SIN3B: variants seen among roughly 807,000 people sequenced by gnomAD.
The protein encoded by SIN3B is paired amphipathic helix protein Sin3b.
A neutral mutation model predicts 120.2 loss-of-function variants in SIN3B; 19 were observed. The observed-to-expected ratio is 0.16, with a 90% CI of 0.11 to 0.23. SIN3B has a LOEUF of 0.23. Among genes scored for constraint, SIN3B ranks in the 10% least tolerant of loss-of-function variants. The probability of loss-of-function intolerance (pLI) is 1.00; values close to 1 mark genes in which losing one functional copy is unlikely to be tolerated. For missense variants in SIN3B, 1,073 were observed against 1,573.0 expected, an observed-to-expected ratio of 0.68 and a Z score of 5.38; for synonymous variants, 654 against 653.2, an observed-to-expected ratio of 1.00 and a Z score of -0.02.
chr19:16,852,996 ACT>A (rs1338474250), intron 6 of SIN3B, 71 bp from the exon 7 acceptor site: 4 of 1,220,788 alleles, frequency 3.3e-6, no homozygotes, highest in South Asian at 1.3e-5. Context: ...CCTTCTTGAG[ACT>A]CTGTGACAGC....
At position 16,878,896 on chromosome 19, in the gene SIN3B, T is replaced by C; in HGVS notation, c.*169T>C. The C allele has an allele frequency of 1.5e-6, 1 of 654,916 alleles. No homozygotes were observed. The allele number at this position is 654,916 out of a possible 1,614,324, so 40.6% of individuals were successfully genotyped here. On this transcript the variant is annotated 3_prime_UTR_variant, in exon 19 of 19. Coordinates refer to ENST00000248054, the MANE Select transcript of SIN3B (RefSeq NM_001297595.2). ...GCCGCCCCCGTGGCTCCCGGTCTCC[T>C]GTGGGCCTGCTGTGTGCCAAACCTG...
chr19:16,867,154 C>T (rs1275605987), intron 12 of SIN3B, among the ~76,000 whole-genome samples: 5 of 152,170 alleles, frequency 3.3e-5, no homozygotes, highest in Non-Finnish European at 7.3e-5. Context: ...TCTTTCTTGC[C>T]GACTGTGCCA....
chr19:16,871,187 G>A (rs1292780581), intron 13 of SIN3B, 42 bp from the exon 14 acceptor site: 59 of 1,612,862 alleles, frequency 3.7e-5, no homozygotes, highest in East Asian at 8.9e-5. Flanking sequence ...GTGACTTTGC[G>A]CTCTCCAGGA....
At chr19:16,871,524 GAC>G in intron 14 of SIN3B, 126 bp downstream of exon 14, 1 of 842,194 alleles carries the variant, frequency 1.2e-6, no homozygotes. Context: ...TCTTAATTGA[GAC>G]AAAATTCGCA....
intron 3 of SIN3B, among the ~76,000 whole-genome samples, chr19:16,841,046 C>T (rs1269582188): frequency 3.3e-5 from 5 of 152,232 alleles, no homozygotes; most frequent in African/African-American, 1.2e-4. Context: ...GGGGATGGTG[C>T]AGCATAATTC....
At chr19:16,865,694 T>TCCCCC (rs1555743123) in intron 11 of SIN3B, 46 bp downstream of exon 11, 1 of 1,145,926 alleles carries the variant, frequency 8.7e-7, no homozygotes, top group Admixed American at 2.3e-5. Flanking sequence ...CCTTCCCCCT[T>TCCCCC]CCCTCCCCTC....
intron 9 of SIN3B, chr19:16,863,331 CAAT>C (rs760316502): frequency 8.5e-6 from 4 of 473,148 alleles, no homozygotes; most frequent in South Asian, 2.6e-5. Flanking sequence ...TGCAGTGTAA[CAAT>C]GATCTACACA....
chr19:16,849,450 A>G (rs1971517693), intron 5 of SIN3B, among the ~76,000 whole-genome samples: 1 of 152,246 alleles, frequency 6.6e-6, no homozygotes, highest in African/African-American at 2.4e-5. Context: ...CTTTATTTAC[A>G]AAATGAATGG....
intron 5 of SIN3B, 133 bp downstream of exon 5, chr19:16,847,246 G>T (rs1971490950): frequency 2.1e-6 from 2 of 961,184 alleles, no homozygotes. Context: ...AGCTACGCAG[G>T]TTGCAGATAC....
rs560250557 is a variant in SIN3B, at chr19:16,867,529, G to A, written c.1806+973G>A. The stretch of plus-strand genomic sequence containing the variant: ...ATAGCCAGCTGTCGGGAAGGTCCTT[G>A]GACACTCTGAGGAGGTGGCTTAGGA... On this transcript the variant is annotated intron_variant, in intron 12 of 18. Coordinates refer to ENST00000248054, the MANE Select transcript of SIN3B (RefSeq NM_001297595.2). Among the ~76,000 whole-genome samples the A allele has an allele frequency of 4.6e-5, 7 of 152,262 alleles. No homozygotes were observed. In the South Asian group the frequency reaches 1.4e-3, roughly 32 times the overall value.
intron 4 of SIN3B, among the ~76,000 whole-genome samples, chr19:16,842,559 A>G (rs1971431606): frequency 6.6e-6 from 1 of 152,026 alleles, no homozygotes; most frequent in South Asian, 2.1e-4. Context: ...GGTGTGTGTC[A>G]CCACACCTGG....
chr19:16,876,609 A>G lies in SIN3B; in HGVS notation c.2859+31A>G, dbSNP rs752332069. 46 of 1,572,304 alleles carry G rather than the reference A, an allele frequency of 2.9e-5. No homozygotes were observed. Among genetic ancestry groups the G allele is most frequent in the Admixed American group, 1.2e-4 (7 of 58,740 alleles). Reference sequence around the variant, plus strand: ...GCCCTGGCCCCAGTCTGTGCCACGCATACCAGGGAGCGCCTGAGGGCAGCA... The same window carrying G: ...GCCCTGGCCCCAGTCTGTGCCACGCGTACCAGGGAGCGCCTGAGGGCAGCA... On this transcript the variant is annotated intron_variant, in intron 16 of 18. Coordinates refer to ENST00000248054, the MANE Select transcript of SIN3B (RefSeq NM_001297595.2). The surrounding 1 kb of genome is among the most constrained non-coding windows in gnomAD (Gnocchi z 7.1).
Position 16,831,632 on chromosome 19 carries a change from G to A in SIN3B, c.366G>A (p.Ser122=), listed in dbSNP as rs1224101405. ...AGAATGGCAAGTTAAACATACAGTC[G>A]CCTCTGACAAGCCAGGTATGCCACT... is the stretch of plus-strand genomic sequence containing the variant. ...IPKNGKLNIQ[S]PLTSQENSHN... Residue 122 remains serine (S), a synonymous_variant, in exon 3 of 19, where the codon TCG becomes TCA. Transcript: ENST00000248054. The A allele has an allele frequency of 9.9e-6, 16 of 1,613,728 alleles. No homozygotes were observed. Among genetic ancestry groups the A allele is most frequent in the East Asian group, 2.2e-5 (1 of 44,872 alleles).
intron 8 of SIN3B, among the ~76,000 whole-genome samples, chr19:16,856,999 G>A (rs185713639): frequency 1.1e-4 from 16 of 152,112 alleles, no homozygotes; most frequent in African/African-American, 2.9e-4. Context: ...TGGCTGTAGC[G>A]TTCACCCCAA....
intron 14 of SIN3B, among the ~76,000 whole-genome samples, chr19:16,873,140 C>T (rs530710027): frequency 2.7e-5 from 4 of 146,332 alleles, no homozygotes; most frequent in East Asian, 4.1e-4. Context: ...GGTGGGCTCA[C>T]GTTGCATTTC....
Position 16,876,490 on chromosome 19 carries a change from T to C in SIN3B, c.2771T>C (p.Met924Thr), listed in dbSNP as rs762378799. 2 of 1,612,848 alleles carry C rather than the reference T, an allele frequency of 1.2e-6. No homozygotes were observed. The highest frequency in any genetic ancestry group is 1.1e-5 in the South Asian group (1 of 91,080). ...GTCAGCGTTCCTGCTCCGCAGGTGATGTTCCTGCAGCGCAAAGGGCAGGTG... is the reference window on the plus strand; with the variant it reads ...GTCAGCGTTCCTGCTCCGCAGGTGACGTTCCTGCAGCGCAAAGGGCAGGTG... ...CMADENCFKV[M>T]FLQRKGQVIM... The change falls in exon 16 of 19, where the codon ATG becomes ACG. Residue 924 changes from methionine (M) to threonine (T), a missense_variant. Physicochemically the swap from Met to Thr is moderately conservative, Grantham distance 81. Coordinates refer to ENST00000248054, the MANE Select transcript of SIN3B (RefSeq NM_001297595.2). This position sits in a 1 kb window ranked among gnomAD's most constrained non-coding sequence, Gnocchi z 7.1.
At chr19:16,875,468 CTGGTTT>C (rs2051583527) in intron 14 of SIN3B, among the ~76,000 whole-genome samples, 1 of 123,288 alleles carries the variant, frequency 8.1e-6, no homozygotes, top group African/African-American at 3.2e-5. Flanking sequence ...CTGGTCTGGT[CTGGTTT>C]TGGTCTGGTT....
intron 3 of SIN3B, among the ~76,000 whole-genome samples, chr19:16,839,362 A>G (rs1351087677): frequency 6.6e-6 from 1 of 152,080 alleles, no homozygotes; most frequent in East Asian, 1.9e-4. Context: ...CAATAATTCC[A>G]TGGTCAACCT....
chr19:16,851,776 G>A (rs111681508), intron 6 of SIN3B, among the ~76,000 whole-genome samples: 3 of 152,318 alleles, frequency 2.0e-5, no homozygotes, highest in Non-Finnish European at 2.9e-5. Flanking sequence ...TGTTAACCCT[G>A]CCCTAGGTCC....
Sources: gnomAD v4.1 joint callset for allele counts (sites outside exome capture counted in the v4.1 genomes callset) on GRCh38, gnomAD v4.1.1 for gene constraint, Gnocchi (gnomAD v3.1) non-coding constraint, MANE v1.5 for transcripts, NCBI Gene and HGNC (gene_info 2026-07-23, HGNC 2026-07-21) for gene names.